The following PLEK variants were observed in gnomAD, a reference collection of about 807,000 sequenced individuals.
PLEK encodes the protein pleckstrin.
In PLEK, 25 loss-of-function variants were observed where a neutral mutation model predicts 43.9. The observed-to-expected ratio is 0.57, with a 90% CI of 0.41 to 0.79. The LOEUF (loss-of-function observed/expected upper bound fraction) is 0.79. Among genes scored for constraint, PLEK ranks in the 30% least tolerant of loss-of-function variants. The pLI, the probability that PLEK is intolerant of heterozygous loss-of-function variation, is 0.00. For missense variants in PLEK, 396 were observed against 413.3 expected, an observed-to-expected ratio of 0.96 and a Z score of 0.36; for synonymous variants, 152 against 144.4, an observed-to-expected ratio of 1.05 and a Z score of -0.38.
intron 4 of PLEK, among the ~76,000 whole-genome samples, chr2:68,386,057 TTTTTTA>T (rs1673735282): frequency 6.6e-6 from 1 of 151,848 alleles, no homozygotes; most frequent in African/African-American, 2.4e-5. Flanking sequence ...AAGACTTTAT[TTTTTTA>T]TTTTTAAAGT....
At chr2:68,382,465 A>G (rs1673642848) in intron 3 of PLEK, 77 bp from the exon 4 acceptor site, 1 of 830,022 alleles carries the variant, frequency 1.2e-6, no homozygotes, top group African/African-American at 1.7e-5. Context: ...AGAACTTACC[A>G]TTCTGAAATG....
chr2:68,384,154 G>GTTCTCCTTCTCC (rs61680302), intron 4 of PLEK, among the ~76,000 whole-genome samples: 40 of 150,000 alleles, frequency 2.7e-4, no homozygotes, highest in Admixed American at 5.3e-4. Context: ...TTTTCTTCTT[G>GTTCTCCTTCTCC]TTCTCCTTCT....
Position 68,365,285 on chromosome 2 carries a change from C to G in PLEK, c.-67C>G. 1 of 1,399,416 alleles carries G rather than the reference C, an allele frequency of 7.1e-7. No homozygotes were observed. The highest frequency in any genetic ancestry group is 1.0e-6 in the Non-Finnish European group (1 of 986,472). The allele number at this position is 1,399,416 out of a possible 1,614,324, so 86.7% of individuals were successfully genotyped here. ...GGCGGCCCACAGCCACCTCAGCATG[C>G]AGAGGAGGCCCAGCTGCTGAGAGGA... On this transcript the variant is annotated 5_prime_UTR_variant, in exon 1 of 9. Coordinates refer to ENST00000234313, the MANE Select transcript of PLEK (RefSeq NM_002664.3).
chr2:68,389,519 A>T (rs534580595), intron 6 of PLEK, among the ~76,000 whole-genome samples: 1 of 152,206 alleles, frequency 6.6e-6, no homozygotes, highest in Non-Finnish European at 1.5e-5. Context: ...AGAAGAGCCC[A>T]TATTTACATT....
intron 1 of PLEK, among the ~76,000 whole-genome samples, chr2:68,378,148 T>A (rs1252167163): frequency 6.6e-6 from 1 of 152,242 alleles, no homozygotes; most frequent in Non-Finnish European, 1.5e-5. Flanking sequence ...ACATATTTTA[T>A]ACATGATCTA....
At chr2:68,381,916 G>A (rs538268532) in intron 3 of PLEK, among the ~76,000 whole-genome samples, 2 of 152,286 alleles carry the variant, frequency 1.3e-5, no homozygotes, top group Admixed American at 6.5e-5. Flanking sequence ...AAAAATGCTC[G>A]GGCTATAGGG....
At chr2:68,376,325 T>G (rs527298078) in intron 1 of PLEK, among the ~76,000 whole-genome samples, 1 of 152,272 alleles carries the variant, frequency 6.6e-6, no homozygotes, top group East Asian at 1.9e-4. Context: ...CCAGGGGAGC[T>G]TATGGGTTGA....
intron 1 of PLEK, among the ~76,000 whole-genome samples, chr2:68,367,252 T>C (rs1000201784): frequency 7.1e-5 from 5 of 70,560 alleles, no homozygotes; most frequent in Non-Finnish European, 1.4e-4. Flanking sequence ...ATTAAGATTC[T>C]CTTTTTTTTT....
intron 6 of PLEK, among the ~76,000 whole-genome samples, chr2:68,392,174 C>CCTTCTTCTT (rs376729611): frequency 4.6e-4 from 69 of 149,504 alleles, no homozygotes; most frequent in African/African-American, 1.3e-3. Context: ...TCCTCCTCCT[C>CCTTCTTCTT]CTTCTTCTTC....
rs752975334 is a variant in PLEK at position 68,395,862 on chromosome 2, C to T, written c.*46C>T. The T allele has an allele frequency of 3.9e-6, 6 of 1,553,992 alleles. No homozygotes were observed. The highest frequency in any genetic ancestry group is 3.3e-5 in the South Asian group (3 of 89,808). On this transcript the variant is annotated 3_prime_UTR_variant, in exon 9 of 9. Coordinates refer to ENST00000234313, the MANE Select transcript of PLEK (RefSeq NM_002664.3). ...TCCCCTCCTGAGGGAAGCCCATGGA[C>T]AAGCTCAGTCCAGGACCTGTCCACT...
chr2:68,392,676 T>C (rs1449345734), intron 6 of PLEK, among the ~76,000 whole-genome samples: 2 of 152,226 alleles, frequency 1.3e-5, no homozygotes, highest in African/African-American at 4.8e-5. Flanking sequence ...GTGTCCCACA[T>C]GGATAAGTGC....
intron 5 of PLEK, 98 bp from the exon 6 acceptor site, chr2:68,388,289 G>A (rs1673787527): frequency 2.8e-6 from 2 of 725,718 alleles, no homozygotes; most frequent in South Asian, 3.1e-5. Context: ...AAAGGAGGAG[G>A]CTGCCCTCAT....
intron 5 of PLEK, chr2:68,388,147 G>A (rs947666562): frequency 2.6e-5 from 11 of 417,624 alleles, no homozygotes; most frequent in Admixed American, 1.6e-4. Context: ...CAGAATAAAA[G>A]GATATTGACA....
At chr2:68,390,043 C>CAAAG (rs34986538) in intron 6 of PLEK, among the ~76,000 whole-genome samples, 121,308 of 151,814 alleles carry the variant, frequency 0.8, 49,208 homozygotes, top group African/African-American at 0.93. Context: ...TGAAGGCTAA[C>CAAAG]AGTAGATAAA....
rs75977770 is a variant in PLEK at position 68,384,996 on chromosome 2, C to T, written c.473-1506C>T. On this transcript the variant is annotated intron_variant, in intron 4 of 8. Transcript: ENST00000234313. ...TGAAATTCATGGAAGGCTCGCTATCCAACTGCTGTCACTCCTGTTTTGAGG... is the reference window on the plus strand; with the variant it reads ...TGAAATTCATGGAAGGCTCGCTATCTAACTGCTGTCACTCCTGTTTTGAGG... 8.1e-4 allele frequency among the ~76,000 whole-genome samples: 123 copies of T among 152,322 alleles called. 2 individuals are homozygous for T. In the East Asian group the frequency reaches 0.019, roughly 23 times the overall value.
At chr2:68,389,072 C>G (rs11901997) in intron 6 of PLEK, among the ~76,000 whole-genome samples, 1,661 of 152,316 alleles carry the variant, frequency 0.011, 41 homozygotes, top group African/African-American at 0.038. Context: ...TCCACAGGTA[C>G]AGGCCACCAT....
chr2:68,390,920 T>C (rs2103783809), intron 6 of PLEK, among the ~76,000 whole-genome samples: 1 of 152,252 alleles, frequency 6.6e-6, no homozygotes, highest in East Asian at 1.9e-4. Context: ...GTTATGACAA[T>C]GAATAAAGCA....
At chr2:68,365,472 C>A in intron 1 of PLEK, 79 bp downstream of exon 1, 1 of 1,095,378 alleles carries the variant, frequency 9.1e-7, no homozygotes, top group Non-Finnish European at 1.4e-6. Context: ...CGGCTACCTG[C>A]TCATCTTAGG....
chr2:68,388,302 C>A, intron 5 of PLEK, 85 bp from the exon 6 acceptor site: 1 of 768,376 alleles, frequency 1.3e-6, no homozygotes, highest in Non-Finnish European at 2.3e-6. Context: ...GCCCTCATGG[C>A]TGGAGGGGAG....
Sources: allele counts gnomAD v4.1 joint callset (sites outside exome capture counted in the v4.1 genomes callset), GRCh38; gene constraint gnomAD v4.1.1; transcripts MANE v1.5; gene names NCBI Gene and HGNC (gene_info 2026-07-23, HGNC 2026-07-21).